Variants in CYFIP1 observed in about 807,000 individuals in gnomAD.
CYFIP1 encodes the protein cytoplasmic FMR1-interacting protein 1.
Under a neutral mutation model 163.5 loss-of-function variants are expected in CYFIP1, and 58 were observed. The ratio of observed to expected loss-of-function variants is 0.35; its 90% confidence interval spans 0.29 to 0.44. The LOEUF (loss-of-function observed/expected upper bound fraction) is 0.44, where lower values mean the gene tolerates loss of function less well. Ranked by LOEUF, CYFIP1 falls within the 20% of genes least tolerant of loss-of-function variation. The pLI, the probability that CYFIP1 is intolerant of heterozygous loss-of-function variation, is 1.00. For synonymous variants in CYFIP1, 663 were observed against 660.7 expected (o/e 1.00, Z -0.05); for missense variants, 1,338 against 1,653.8 (o/e 0.81, Z 3.31).
At chr15:22,926,785 A>G (rs908810038) in intron 12 of CYFIP1, among the ~76,000 whole-genome samples, 41 of 152,214 alleles carry the variant, frequency 2.7e-4, no homozygotes, top group Non-Finnish European at 5.7e-4. Flanking sequence ...GATATTAGAA[A>G]TAAGACAGTG....
chr15:22,950,810 G>T (rs571789757), intron 1 of CYFIP1, among the ~76,000 whole-genome samples: 1 of 152,324 alleles, frequency 6.6e-6, no homozygotes, highest in East Asian at 1.9e-4. Context: ...GGCCAGGCTG[G>T]TCAAGGTCAG....
At chr15:22,934,410 C>T (rs961930831) in intron 9 of CYFIP1, among the ~76,000 whole-genome samples, 12 of 148,336 alleles carry the variant, frequency 8.1e-5, no homozygotes, top group Non-Finnish European at 1.6e-4. Flanking sequence ...TGGTCTCAAT[C>T]TCCTGACCTC....
At chr15:22,900,957 C>T (rs1222880602) in intron 22 of CYFIP1, among the ~76,000 whole-genome samples, 2 of 151,882 alleles carry the variant, frequency 1.3e-5, no homozygotes, top group African/African-American at 4.8e-5. Flanking sequence ...AATCCCAGCA[C>T]TTTGGGTAGC....
chr15:22,914,772 T>G lies in CYFIP1; in HGVS notation c.1939A>C (p.Ile647Leu). 6.2e-7 allele frequency: 1 copy of G among 1,613,940 alleles called. No homozygotes were observed. The highest frequency in any genetic ancestry group is 1.1e-5 in the South Asian group (1 of 91,050). The change falls in exon 17 of 31, where the codon ATC becomes CTC. Residue 647 changes from isoleucine to leucine, a missense_variant. By Grantham distance (5) the Ile-to-Leu change is conservative. This residue lies in a region of CYFIP1 where 824 missense variants were observed against 995.7 expected (regional missense o/e 0.83). Coordinates refer to ENST00000617928, the MANE Select transcript of CYFIP1 (RefSeq NM_014608.6). ...QFPIEMSMPWILTDHILETKE... is the reference protein window; with the variant it reads ...QFPIEMSMPWLLTDHILETKE... ...GTCTCCAGGATGTGGTCCGTCAGGATCCAGGGCATCGACATCTCAATGGGG... is the reference window on the plus strand; with the variant it reads ...GTCTCCAGGATGTGGTCCGTCAGGAGCCAGGGCATCGACATCTCAATGGGG...
At chr15:22,934,173 C>CTTT (rs2061629199) in intron 9 of CYFIP1, among the ~76,000 whole-genome samples, 2 of 76,302 alleles carry the variant, frequency 2.6e-5, no homozygotes, top group African/African-American at 1.1e-4. Flanking sequence ...CACTGCATTT[C>CTTT]TTTCTTTTTT....
Position 22,873,564 on chromosome 15 carries a change from C to G in CYFIP1, c.3376G>C (p.Glu1126Gln). The G allele has an allele frequency of 6.2e-7, 1 of 1,614,236 alleles. No individual in the cohort carries two copies. Among genetic ancestry groups the G allele is most frequent in the Non-Finnish European group, 8.5e-7 (1 of 1,180,042 alleles). The change falls in exon 29 of 31, where the codon GAG (glutamate) becomes CAG (glutamine). Residue 1126 changes from glutamate (E) to glutamine (Q), a missense_variant. Glu to Gln is a conservative substitution (Grantham distance 29, BLOSUM62 2). This residue lies in a region of CYFIP1 where 306 missense variants were observed against 322.1 expected (regional missense o/e 0.95). Coordinates refer to ENST00000617928, the MANE Select transcript of CYFIP1 (RefSeq NM_014608.6). Reference protein sequence around the residue: ...NGVMHVDECVEFHRLWSAMQF... With the variant: ...NGVMHVDECVQFHRLWSAMQF... ...ATGGCACTCCACAGTCTGTGAAACT[C>G]CACACACTCGTCCACATGCATGACC... is the stretch of plus-strand genomic sequence containing the variant.
chr15:22,887,673 C>G (rs2059963430), intron 23 of CYFIP1, among the ~76,000 whole-genome samples: 1 of 152,144 alleles, frequency 6.6e-6, no homozygotes, highest in Admixed American at 6.5e-5. Context: ...CCAAAGATGA[C>G]ACATCCGAGA....
Position 22,917,765 on chromosome 15 carries a change from GGC to G in CYFIP1, c.1674+21_1674+22del. The G allele has an allele frequency of 6.3e-7, 1 of 1,580,556 alleles. No individual in the cohort carries two copies. The highest frequency in any genetic ancestry group is 8.6e-7 in the Non-Finnish European group (1 of 1,163,430). ...TGGGTCCCCCCAGGGAGAGGGTGCA[GGC>G]GGGGCTCAAGGGACGAGAACCTGAG... On this transcript the variant is annotated intron_variant, in intron 15 of 30. Coordinates refer to ENST00000617928, the MANE Select transcript of CYFIP1 (RefSeq NM_014608.6). This position sits in a 1 kb window ranked among gnomAD's most constrained non-coding sequence, Gnocchi z 4.2.
At chr15:22,872,691 C>T (rs1010615628) in intron 30 of CYFIP1, 134 bp downstream of exon 30, 19 of 849,238 alleles carry the variant, frequency 2.2e-5, no homozygotes, top group Non-Finnish European at 2.5e-5. Flanking sequence ...ATTTTGGGAA[C>T]GAAAAGAAAG....
chr15:22,917,080 C>T lies in CYFIP1; in HGVS notation c.1675-450G>A, dbSNP rs1039690104. 80 of 1,483,166 alleles carry T rather than the reference C, an allele frequency of 5.4e-5. No individual in the cohort carries two copies. Among genetic ancestry groups the T allele is most frequent in the Non-Finnish European group, 6.7e-5 (75 of 1,119,456 alleles). 91.9% of individuals were successfully genotyped at this position (1,483,166 alleles called of 1,614,324 possible). On this transcript the variant is annotated intron_variant, in intron 15 of 30. Transcript: ENST00000617928. The surrounding 1 kb of genome is among the most constrained non-coding windows in gnomAD (Gnocchi z 4.2). ...AGGCAGGAGAGAGACGTTAGTCACT[C>T]GACACACACACCCCAGGCAGGGACA... is the stretch of plus-strand genomic sequence containing the variant.
At chr15:22,943,418 C>A in intron 5 of CYFIP1, 64 bp from the exon 6 acceptor site, 1 of 1,504,232 alleles carries the variant, frequency 6.6e-7, no homozygotes, top group Admixed American at 1.8e-5. Flanking sequence ...CCATGTCCCT[C>A]CTTCAAGCAC....
intron 23 of CYFIP1, among the ~76,000 whole-genome samples, chr15:22,891,714 G>A (rs927617012): frequency 6.6e-6 from 1 of 152,258 alleles, no homozygotes; most frequent in Non-Finnish European, 1.5e-5. Flanking sequence ...TTTCCCAGGT[G>A]CAAACACTTG....
In CYFIP1 at chr15:22,939,441, C is replaced by T. The variant is rs1465442892; in HGVS notation, c.636G>A (p.Met212Ile). 1 of 1,610,956 alleles carries T rather than the reference C, an allele frequency of 6.2e-7. No homozygotes were observed. The highest frequency in any genetic ancestry group is 8.5e-7 in the Non-Finnish European group (1 of 1,178,878). ...QSIQESQNLS[M>I]FLANHNKITQ... ...TGATCTTGTTATGATTGGCCAGGAA[C>T]ATGGACAGATTCTGCGATTCCTGGA... The change falls in exon 7 of 31, where the codon ATG becomes ATA. Residue 212 changes from methionine to isoleucine, a missense_variant. Met to Ile is a conservative substitution (Grantham distance 10). Transcript: ENST00000617928.
At chr15:22,874,900 C>A (rs925515592) in intron 27 of CYFIP1, among the ~76,000 whole-genome samples, 2 of 152,134 alleles carry the variant, frequency 1.3e-5, no homozygotes, top group African/African-American at 4.8e-5. Flanking sequence ...GCACAATGAG[C>A]CTGTACCCAT....
At chr15:22,941,860 T>C (rs989925471) in intron 6 of CYFIP1, among the ~76,000 whole-genome samples, 1 of 152,152 alleles carries the variant, frequency 6.6e-6, no homozygotes, top group African/African-American at 2.4e-5. Context: ...TTTTAAATAT[T>C]GAAAACCACC....
rs578242211 is a variant in CYFIP1 at position 22,951,738 on chromosome 15, G to A, written c.-6-4447C>T. Among the ~76,000 whole-genome samples the A allele has an allele frequency of 1.3e-3, 201 of 152,306 alleles. 1 individual carries two copies. Among genetic ancestry groups the A allele is most frequent in the African/African-American group, 4.7e-3 (194 of 41,568 alleles). The stretch of plus-strand genomic sequence containing the variant: ...CCCCGCGCAGCACCCACAGGGACTC[G>A]CCTTCCTCCCCGGCCTCTGCCCAGG... On this transcript the variant is annotated intron_variant, in intron 1 of 30. Transcript: ENST00000617928.
At chr15:22,957,468 C>G (rs2062509683) in intron 1 of CYFIP1, among the ~76,000 whole-genome samples, 1 of 152,168 alleles carries the variant, frequency 6.6e-6, no homozygotes, top group Non-Finnish European at 1.5e-5. Context: ...AACCCCACCT[C>G]TACTAAAAAT....
intron 12 of CYFIP1, among the ~76,000 whole-genome samples, chr15:22,926,952 G>A (rs1205014836): frequency 6.6e-6 from 1 of 152,158 alleles, no homozygotes; most frequent in Non-Finnish European, 1.5e-5. Context: ...CTGTATGACT[G>A]TATTAAATTA....
intron 1 of CYFIP1, chr15:22,948,048 C>G: frequency 1.0e-6 from 1 of 963,582 alleles, no homozygotes; most frequent in Non-Finnish European, 1.2e-6. Context: ...GAAAGAGCAG[C>G]AGGTGGCCTG....
Sources: gnomAD v4.1 joint callset for allele counts (sites outside exome capture counted in the v4.1 genomes callset) on GRCh38, gnomAD v4.1.1 for gene constraint, gnomAD v4.1.1 regional missense constraint, Gnocchi (gnomAD v3.1) non-coding constraint, MANE v1.5 for transcripts, NCBI Gene and HGNC (gene_info 2026-07-23, HGNC 2026-07-21) for gene names.